Variants in PDE4B observed in about 807,000 individuals in gnomAD.
PDE4B encodes the protein phosphodiesterase 4B.
In PDE4B, 20 loss-of-function variants were observed where a neutral mutation model predicts 82.2. The ratio of observed to expected loss-of-function variants is 0.24; its 90% CI spans 0.17 to 0.35. PDE4B has a LOEUF of 0.35. Among genes scored for constraint, PDE4B ranks in the 10% least tolerant of loss-of-function variants. The pLI is 1.00. For missense variants in PDE4B, 655 were observed against 907.2 expected (o/e 0.72, Z 3.57); for synonymous variants, 320 against 318.9 (o/e 1.00, Z -0.04).
At chr1:66,129,665 A>AAAAAAACAAAAAAAC (rs1557582309) in intron 3 of PDE4B, among the ~76,000 whole-genome samples, 6 of 94,710 alleles carry the variant, frequency 6.3e-5, no homozygotes, top group South Asian at 5.4e-4. Flanking sequence ...GTCTCAAAAA[A>AAAAAAACAAAAAAAC]AAAAAAACAA....
At chr1:66,354,639 C>T (rs1662091617) in intron 8 of PDE4B, 1 of 1,382,564 alleles carries the variant, frequency 7.2e-7, no homozygotes, top group Admixed American at 3.2e-5. Context: ...AAGCAGGGAG[C>T]ATAGGCTTCT....
chr1:66,335,561 G>T lies in PDE4B; in HGVS notation c.747+2941G>T, dbSNP rs139532825. ...TTTCTCAAATGTACTTCATAGCCTA[G>T]AGAGTTAGCTAAGAAACATCGTCCT... is the stretch of plus-strand genomic sequence containing the variant. On this transcript the variant is annotated intron_variant, in intron 8 of 16. Transcript: ENST00000341517. 9.2e-5 allele frequency among the ~76,000 whole-genome samples: 14 copies of T among 152,312 alleles called. No homozygotes were observed. The East Asian group carries it at 2.7e-3, about 29-fold the overall frequency.
At chr1:66,184,471 T>C (rs1570418406) in intron 3 of PDE4B, among the ~76,000 whole-genome samples, 2 of 152,114 alleles carry the variant, frequency 1.3e-5, no homozygotes, top group Admixed American at 1.3e-4. Context: ...CAAAGAAAAA[T>C]TTTACCAAAA....
intron 3 of PDE4B, among the ~76,000 whole-genome samples, chr1:66,223,362 T>G (rs1651158079): frequency 6.6e-6 from 1 of 152,140 alleles, no homozygotes; most frequent in Non-Finnish European, 1.5e-5. Flanking sequence ...AAGGCTGTAT[T>G]TAGGTTGATT....
At chr1:66,192,176 TG>T (rs1295594539) in intron 3 of PDE4B, among the ~76,000 whole-genome samples, 3 of 152,178 alleles carry the variant, frequency 2.0e-5, no homozygotes, top group African/African-American at 4.8e-5. Context: ...TGTCCAAAAC[TG>T]TTCTATCTCT....
intron 3 of PDE4B, among the ~76,000 whole-genome samples, chr1:66,202,878 G>T (rs1188684760): frequency 6.6e-6 from 1 of 151,580 alleles, no homozygotes; most frequent in Non-Finnish European, 1.5e-5. Flanking sequence ...GTGTGAATTT[G>T]ATCCTGTCAT....
chr1:65,961,238 C>A (rs1267386494), intron 3 of PDE4B, among the ~76,000 whole-genome samples: 1 of 152,168 alleles, frequency 6.6e-6, no homozygotes. Context: ...AGGGAAAAAA[C>A]TGAGCAAAGA....
chr1:66,058,666 G>A (rs1422423836), intron 3 of PDE4B, among the ~76,000 whole-genome samples: 1 of 152,200 alleles, frequency 6.6e-6, no homozygotes, highest in African/African-American at 2.4e-5. Context: ...TGAAGCCATG[G>A]CCTGAGCTGT....
intron 3 of PDE4B, among the ~76,000 whole-genome samples, chr1:66,194,020 T>G (rs1178879757): frequency 2.6e-5 from 4 of 151,132 alleles, no homozygotes; most frequent in Admixed American, 2.0e-4. Context: ...CAATCTCACC[T>G]GTCAGCAAGT....
chr1:65,977,813 T>G (rs752172207), intron 3 of PDE4B, among the ~76,000 whole-genome samples: 9 of 152,198 alleles, frequency 5.9e-5, no homozygotes, highest in Non-Finnish European at 1.2e-4. Context: ...TTTGGAGAAG[T>G]GCACAAATGG....
chr1:66,096,508 T>TTATATATATATATATATATATATA (rs4068855), intron 3 of PDE4B, among the ~76,000 whole-genome samples: 2 of 107,320 alleles, frequency 1.9e-5, no homozygotes, highest in African/African-American at 6.7e-5. Context: ...GTAAAAAAAA[T>TTATATATATATATATATATATATA]TATATATATA....
intron 3 of PDE4B, among the ~76,000 whole-genome samples, chr1:66,147,062 G>C (rs1006659779): frequency 6.6e-6 from 1 of 152,176 alleles, no homozygotes; most frequent in Non-Finnish European, 1.5e-5. Context: ...TAGGTTGACA[G>C]CATGTGAAAT....
At chr1:66,240,585 C>T (rs981344660) in intron 3 of PDE4B, among the ~76,000 whole-genome samples, 1 of 152,150 alleles carries the variant, frequency 6.6e-6, no homozygotes, top group Non-Finnish European at 1.5e-5. Flanking sequence ...GTTTTATTTT[C>T]TTCATGGTAT....
intron 3 of PDE4B, among the ~76,000 whole-genome samples, chr1:65,967,868 G>A (rs1569846240): frequency 1.3e-5 from 2 of 152,136 alleles, no homozygotes; most frequent in East Asian, 1.9e-4. Context: ...AGGGCCTTTC[G>A]AGGGGTGAGG....
At position 66,361,597 on chromosome 1, in the gene PDE4B, T is replaced by C. The variant is rs375451699; in HGVS notation, c.842-18T>C. 75 of 1,603,092 alleles carry C rather than the reference T, an allele frequency of 4.7e-5. 1 individual carries two copies. The Middle Eastern group carries it at 5.0e-4, about 11-fold the overall frequency. ...ATAGACACATGTGCTGAAAAACATA[T>C]TCCTTTGTCTGTTGCAGACAAGCAG... On this transcript the variant is annotated intron_variant, in intron 9 of 16. Coordinates refer to ENST00000341517, the MANE Select transcript of PDE4B (RefSeq NM_002600.4).
intron 3 of PDE4B, among the ~76,000 whole-genome samples, chr1:66,095,067 T>A (rs367998379): frequency 2.0e-4 from 30 of 152,030 alleles, no homozygotes; most frequent in African/African-American, 7.0e-4. Context: ...CCTTGACCTG[T>A]ATGCCCTTAG....
intron 3 of PDE4B, among the ~76,000 whole-genome samples, chr1:66,061,148 A>G (rs1046107932): frequency 1.3e-5 from 2 of 151,244 alleles, no homozygotes; most frequent in African/African-American, 4.9e-5. Context: ...GTCTTTAGCA[A>G]GAAACATGAA....
At chr1:66,283,974 C>T (rs1256008732) in intron 7 of PDE4B, among the ~76,000 whole-genome samples, 1 of 152,194 alleles carries the variant, frequency 6.6e-6, no homozygotes, top group Non-Finnish European at 1.5e-5. Context: ...CTCACCACAA[C>T]ATGAATCAGG....
At position 66,367,677 on chromosome 1, in the gene PDE4B, A is replaced by G. The variant is rs777840422; in HGVS notation, c.1385-19A>G. 6.3e-7 allele frequency: 1 copy of G among 1,587,970 alleles called. No individual in the cohort carries two copies. Among genetic ancestry groups the G allele is most frequent in the Admixed American group, 1.8e-5 (1 of 56,944 alleles). On this transcript the variant is annotated intron_variant, in intron 13 of 16. Transcript: ENST00000341517. ...CATATCCCTTTTTAATTAAGTCATC[A>G]TTTGGTCTGATTTATTAGATTCAGA...
Sources: allele counts gnomAD v4.1 joint callset (sites outside exome capture counted in the v4.1 genomes callset), GRCh38; gene constraint gnomAD v4.1.1; transcripts MANE v1.5; gene names NCBI Gene and HGNC (gene_info 2026-07-23, HGNC 2026-07-21).